Variants in DIP2C observed in about 807,000 individuals in gnomAD.
The protein encoded by DIP2C is DIP2 acetate--CoA ligase C (putative).
DIP2C carries 33 observed loss-of-function variants against 192.4 expected under a neutral mutation model. That is an observed-to-expected ratio of 0.17 (90% CI 0.13 to 0.23). DIP2C has a LOEUF of 0.23. Ranked by LOEUF, DIP2C falls within the 10% of genes least tolerant of loss-of-function variation. The pLI is 1.00. For missense variants in DIP2C, 1,537 were observed against 2,110.1 expected (o/e 0.73, Z 5.32); for synonymous variants, 979 against 864.1 (o/e 1.13, Z -2.33).
intron 1 of DIP2C, among the ~76,000 whole-genome samples, chr10:606,846 G>A (rs1421354783): frequency 6.6e-6 from 1 of 152,154 alleles, no homozygotes; most frequent in East Asian, 1.9e-4. Context: ...GGGCGTCAGT[G>A]ACGGACGCCA....
chr10:421,899 C>T (rs774389694), intron 5 of DIP2C, among the ~76,000 whole-genome samples: 15 of 152,156 alleles, frequency 9.9e-5, no homozygotes, highest in Non-Finnish European at 1.8e-4. Flanking sequence ...TCTCAGTGAG[C>T]GACCAAGGGG....
intron 17 of DIP2C, among the ~76,000 whole-genome samples, chr10:378,724 AACAG>A (rs1447149699): frequency 6.6e-6 from 1 of 151,692 alleles, no homozygotes; most frequent in Non-Finnish European, 1.5e-5. Context: ...CAGACACGTG[AACAG>A]ACATGCATAA....
At chr10:426,610 A>G (rs1489393741) in intron 4 of DIP2C, among the ~76,000 whole-genome samples, 1 of 152,230 alleles carries the variant, frequency 6.6e-6, no homozygotes, top group Non-Finnish European at 1.5e-5. Flanking sequence ...AACTTTACAT[A>G]AAGTCACAGT....
At chr10:429,130 G>C (rs995192549) in intron 4 of DIP2C, among the ~76,000 whole-genome samples, 8 of 151,986 alleles carry the variant, frequency 5.3e-5, no homozygotes, top group Non-Finnish European at 1.2e-4. Flanking sequence ...TGTATAACAT[G>C]TATCCACCAT....
intron 29 of DIP2C, among the ~76,000 whole-genome samples, chr10:334,633 T>G (rs929392126): frequency 1.3e-5 from 2 of 152,214 alleles, no homozygotes; most frequent in African/African-American, 4.8e-5. Context: ...GGTTTAATCT[T>G]TTTTCCTTTT....
At chr10:348,426 C>CAT (rs2132625426) in intron 26 of DIP2C, among the ~76,000 whole-genome samples, 1 of 152,300 alleles carries the variant, frequency 6.6e-6, no homozygotes, top group African/African-American at 2.4e-5. Flanking sequence ...CAGAGGCTAC[C>CAT]ATCCAGCCTC....
At chr10:554,765 G>A (rs1278531269) in intron 1 of DIP2C, among the ~76,000 whole-genome samples, 2 of 152,224 alleles carry the variant, frequency 1.3e-5, no homozygotes, top group African/African-American at 4.8e-5. Flanking sequence ...TTGCCTGGCA[G>A]TGGGGAGTGA....
intron 17 of DIP2C, among the ~76,000 whole-genome samples, chr10:380,128 C>T (rs1277027426): frequency 3.4e-4 from 46 of 135,856 alleles, no homozygotes; most frequent in Non-Finnish European, 8.6e-5. Context: ...GGTTAACGTG[C>T]AGAAGAGGCT....
chr10:350,632 A>AT (rs56171130), intron 24 of DIP2C, among the ~76,000 whole-genome samples: 14 of 84,212 alleles, frequency 1.7e-4, no homozygotes, highest in African/African-American at 5.7e-4. Flanking sequence ...GGGCTCAGGA[A>AT]TTTTTTTTTT....
chr10:620,707 TCTC>T (rs1464994765), intron 1 of DIP2C, among the ~76,000 whole-genome samples: 2 of 152,162 alleles, frequency 1.3e-5, no homozygotes, highest in Non-Finnish European at 2.9e-5. Context: ...AGGGCCACTG[TCTC>T]CTCCTGTGTC....
intron 1 of DIP2C, among the ~76,000 whole-genome samples, chr10:638,921 G>A (rs1462263479): frequency 2.6e-5 from 4 of 152,206 alleles, no homozygotes; most frequent in Admixed American, 6.5e-5. Context: ...ACAAACCCAC[G>A]GCCACCAGGA....
intron 5 of DIP2C, among the ~76,000 whole-genome samples, chr10:421,830 G>T (rs1454150123): frequency 6.6e-6 from 1 of 152,174 alleles, no homozygotes; most frequent in African/African-American, 2.4e-5. Flanking sequence ...AAGTGAGACA[G>T]ACCCAGCTCT....
At chr10:577,773 G>T (rs925051137) in intron 1 of DIP2C, among the ~76,000 whole-genome samples, 14 of 152,032 alleles carry the variant, frequency 9.2e-5, no homozygotes, top group African/African-American at 2.9e-4. Flanking sequence ...GAGGAACTTG[G>T]CTGAGACTAA....
rs532404279 is a variant in DIP2C, at chr10:384,598, C to T, written c.1704G>A (p.Ser568=). 5.3e-5 allele frequency: 86 copies of T among 1,613,848 alleles called. No homozygotes were observed. Among genetic ancestry groups the T allele is most frequent in the South Asian group, 4.0e-4 (36 of 91,082 alleles). The part of the protein sequence containing the change: ...NMMHVISIPY[S]LMKVNPLSWI... ...AGGAGAGAGGGTTCACCTTCATCAG[C>T]GAGTACGGGATGCTGATCACATGCA... Residue 568 remains serine (S), a synonymous_variant, in exon 15 of 37, where the codon TCG becomes TCA. Transcript: ENST00000280886.
chr10:571,531 C>T (rs866663984), intron 1 of DIP2C, among the ~76,000 whole-genome samples: 2 of 152,052 alleles, frequency 1.3e-5, no homozygotes, highest in Middle Eastern at 3.4e-3. Flanking sequence ...TCCTCTCCCT[C>T]CCTCATCTCC....
At chr10:462,519 GAGGCAGGAA>G (rs1969876951) in intron 3 of DIP2C, among the ~76,000 whole-genome samples, 2 of 152,170 alleles carry the variant, frequency 1.3e-5, no homozygotes, top group African/African-American at 4.8e-5. Flanking sequence ...TTCTGAAATT[GAGGCAGGAA>G]TTAATAGCCT....
intron 3 of DIP2C, among the ~76,000 whole-genome samples, chr10:467,332 G>A (rs903962739): frequency 1.4e-5 from 2 of 144,656 alleles, no homozygotes; most frequent in Non-Finnish European, 3.0e-5. Context: ...ATTGAACAAT[G>A]AGATCACATG....
intron 1 of DIP2C, among the ~76,000 whole-genome samples, chr10:546,277 T>TTCTTA (rs1554897208): frequency 9.1e-6 from 1 of 109,422 alleles, no homozygotes; most frequent in African/African-American, 5.1e-5. Flanking sequence ...GCAAGACTCT[T>TTCTTA]AAAAAAAAAA....
At chr10:512,099 C>T (rs1846054888) in intron 1 of DIP2C, among the ~76,000 whole-genome samples, 2 of 152,332 alleles carry the variant, frequency 1.3e-5, no homozygotes, top group South Asian at 4.1e-4. Context: ...GCCTCCTGCT[C>T]TTTGTAAATG....
Sources: gnomAD v4.1 joint callset for allele counts (sites outside exome capture counted in the v4.1 genomes callset) on GRCh38, gnomAD v4.1.1 for gene constraint, MANE v1.5 for transcripts, NCBI Gene and HGNC (gene_info 2026-07-23, HGNC 2026-07-21) for gene names.